RBBP6: variants seen among roughly 807,000 people sequenced by gnomAD.
RBBP6 encodes the protein RB binding protein 6, ubiquitin ligase.
In RBBP6, 25 loss-of-function variants were observed where a neutral mutation model predicts 167.7. The observed-to-expected ratio is 0.15, with a 90% CI of 0.11 to 0.21. The LOEUF (loss-of-function observed/expected upper bound fraction) is 0.21, where lower values mean the gene tolerates loss of function less well. Among genes scored for constraint, RBBP6 ranks in the 10% least tolerant of loss-of-function variants. RBBP6 has a pLI of 1.00. For missense variants in RBBP6, 1,868 were observed against 2,134.2 expected, an observed-to-expected ratio of 0.88 and a Z score of 2.46; for synonymous variants, 789 against 735.8, an observed-to-expected ratio of 1.07 and a Z score of -1.17.
Position 24,572,730 on chromosome 16 carries a change from C to T in RBBP6, c.*285C>T, listed in dbSNP as rs1385736413. 1.9e-5 allele frequency: 5 copies of T among 264,940 alleles called. No homozygotes were observed. Among genetic ancestry groups the T allele is most frequent in the African/African-American group, 4.4e-5 (2 of 45,180 alleles). 16.4% of individuals were successfully genotyped at this position (264,940 alleles called of 1,614,324 possible). A position where few individuals can be genotyped will look rare whatever the true frequency, so the allele number is the denominator to read the frequency against. On this transcript the variant is annotated 3_prime_UTR_variant, in exon 18 of 18. Transcript: ENST00000319715. ...AGTTTACTGTAATGTGAAATTTTCA[C>T]ATTTGAATTTTTTAATTGCCTGGCA...
chr16:24,558,232 G>A (rs1254872319), intron 7 of RBBP6, among the ~76,000 whole-genome samples: 1 of 152,142 alleles, frequency 6.6e-6, no homozygotes, highest in East Asian at 1.9e-4. Context: ...AAATACAAAT[G>A]CCCAATTGTG....
At chr16:24,561,767 G>C (rs778273949) in intron 9 of RBBP6, 52 bp downstream of exon 9, 8 of 1,604,734 alleles carry the variant, frequency 5.0e-6, no homozygotes, top group South Asian at 1.1e-5. Flanking sequence ...TGATTTAACT[G>C]TACTTCAGTG....
At chr16:24,557,947 TCAACTTCACCCC>T (rs1259357195) in intron 7 of RBBP6, among the ~76,000 whole-genome samples, 3 of 152,200 alleles carry the variant, frequency 2.0e-5, no homozygotes, top group African/African-American at 7.2e-5. Context: ...GCTCACTTCC[TCAACTTCACCCC>T]CATCTATTTT....
chr16:24,551,367 C>T (rs545068860), intron 3 of RBBP6, among the ~76,000 whole-genome samples: 1 of 151,832 alleles, frequency 6.6e-6, no homozygotes, highest in East Asian at 1.9e-4. Flanking sequence ...ATACAAATTC[C>T]TAATCATTTT....
intron 3 of RBBP6, 142 bp from the exon 4 acceptor site, chr16:24,553,371 C>G: frequency 1.6e-6 from 1 of 608,408 alleles, no homozygotes; most frequent in South Asian, 2.6e-5. Flanking sequence ...GTAGGCTGAG[C>G]TACATTTTCA....
chr16:24,571,498 G>A lies in RBBP6; in HGVS notation c.4432G>A (p.Asp1478Asn). 6.2e-7 allele frequency: 1 copy of A among 1,612,762 alleles called. No homozygotes were observed. Among genetic ancestry groups the A allele is most frequent in the Non-Finnish European group, 8.5e-7 (1 of 1,179,746 alleles). Reference protein sequence around the residue: ...TPNRDKKTDYDTREYSSSKRR... With the variant: ...TPNRDKKTDYNTREYSSSKRR... Reference sequence around the variant, plus strand: ...CAATAGAGACAAAAAAACTGACTATGACACCAGAGAGTATTCAAGTTCCAA... The same window carrying A: ...CAATAGAGACAAAAAAACTGACTATAACACCAGAGAGTATTCAAGTTCCAA... Residue 1478 changes from aspartate to asparagine, a missense_variant, in exon 18 of 18, where the codon GAC becomes AAC. Asp to Asn is a conservative substitution (Grantham distance 23). Transcript: ENST00000319715.
rs140015778 is a variant in RBBP6 at position 24,564,806 on chromosome 16, A to G, written c.1530A>G (p.Lys510=). ...GGRPGWEHSN[K]LGYLVSPPQQ... Reference sequence around the variant, plus strand: ...TTTTTCTCCCACACAGTTCCAACAAACTTGGCTATCTGGTTTCTCCACCAC... The same window carrying G: ...TTTTTCTCCCACACAGTTCCAACAAGCTTGGCTATCTGGTTTCTCCACCAC... Residue 510 remains lysine, a synonymous_variant, in exon 14 of 18, where the codon AAA becomes AAG. Coordinates refer to ENST00000319715, the MANE Select transcript of RBBP6 (RefSeq NM_006910.5). 4.3e-6 allele frequency: 7 copies of G among 1,612,678 alleles called. No individual in the cohort carries two copies. The African/African-American group carries it at 8.0e-5, about 18-fold the overall frequency.
rs1255830054 is a variant in RBBP6, at chr16:24,570,027, G to A, written c.3337G>A (p.Asp1113Asn). The A allele has an allele frequency of 6.2e-7, 1 of 1,605,666 alleles. No homozygotes were observed. The highest frequency in any genetic ancestry group is 8.5e-7 in the Non-Finnish European group (1 of 1,178,160). ...KPVKEEKVKK[D>N]YSKDVKSEKL... ...AGTCAAAGAGGAAAAAGTGAAGAAG[G>A]ACTATTCCAAAGATGTCAAATCAGA... The change falls in exon 17 of 18, where the codon GAC (aspartate) becomes AAC (asparagine). Residue 1113 changes from aspartate (D) to asparagine (N), a missense_variant. This residue lies in a region of RBBP6 where 673 missense variants were observed against 691.5 expected (regional missense o/e 0.97). Coordinates refer to ENST00000319715, the MANE Select transcript of RBBP6 (RefSeq NM_006910.5).
At chr16:24,553,819 C>A in intron 4 of RBBP6, 1 of 235,512 alleles carries the variant, frequency 4.2e-6, no homozygotes, top group Admixed American at 5.5e-5. Flanking sequence ...TTCCCTCATA[C>A]ATTTTGTTTA....
At chr16:24,544,393 T>C (rs950408983) in intron 1 of RBBP6, among the ~76,000 whole-genome samples, 1 of 152,182 alleles carries the variant, frequency 6.6e-6, no homozygotes, top group Non-Finnish European at 1.5e-5. Context: ...GCCTGTGAGA[T>C]AGTGCCTTCT....
chr16:24,556,427 T>C lies in RBBP6; in HGVS notation c.654T>C (p.Tyr218=), dbSNP rs772498545. The change falls in exon 7 of 18, where the codon TAT becomes TAC. Residue 218 remains tyrosine, a synonymous_variant. Coordinates refer to ENST00000319715, the MANE Select transcript of RBBP6 (RefSeq NM_006910.5). ...KGAMLTNTGK[Y]AIPTIDAEAY... is the part of the protein sequence containing the mutation. The stretch of plus-strand genomic sequence containing the variant: ...CAATGCTTACCAACACTGGAAAATA[T>C]GCAATACCAACTATAGATGCGTAAG... 8 of 1,612,344 alleles carry C rather than the reference T, an allele frequency of 5.0e-6. No homozygotes were observed. The African/African-American group carries it at 9.3e-5, about 19-fold the overall frequency.
chr16:24,553,373 A>T, intron 3 of RBBP6, 140 bp from the exon 4 acceptor site: 1 of 621,162 alleles, frequency 1.6e-6, no homozygotes, highest in Non-Finnish European at 2.8e-6. Context: ...AGGCTGAGCT[A>T]CATTTTCAAG....
Position 24,572,559 on chromosome 16 carries a change from T to C in RBBP6, c.*114T>C. On this transcript the variant is annotated 3_prime_UTR_variant, in exon 18 of 18. Coordinates refer to ENST00000319715, the MANE Select transcript of RBBP6 (RefSeq NM_006910.5). ...TGACATGGAAGACCCTGTGCTGCAC[T>C]TAAAATATTGCTGCTTGATTATTTG... 2 of 1,329,138 alleles carry C rather than the reference T, an allele frequency of 1.5e-6. No individual in the cohort carries two copies. Among genetic ancestry groups the C allele is most frequent in the South Asian group, 1.6e-5 (1 of 60,730 alleles). 82.3% of individuals were successfully genotyped at this position (1,329,138 alleles called of 1,614,324 possible). A position where few individuals can be genotyped will look rare whatever the true frequency, so the allele number is the denominator to read the frequency against.
At position 24,570,915 on chromosome 16, in the gene RBBP6, A is replaced by G; in HGVS notation, c.3849A>G (p.Glu1283=). 1 of 1,585,680 alleles carries G rather than the reference A, an allele frequency of 6.3e-7. No individual in the cohort carries two copies. The highest frequency in any genetic ancestry group is 8.6e-7 in the Non-Finnish European group (1 of 1,160,352). ...STGGSPVRKS[E]EKTDTKRTVI... is the part of the protein sequence containing the mutation. Reference sequence around the variant, plus strand: ...GAGGCAGTCCTGTGCGGAAATCTGAAGAAAAAACAGATACAAAGCGAACTG... The same window carrying G: ...GAGGCAGTCCTGTGCGGAAATCTGAGGAAAAAACAGATACAAAGCGAACTG... Residue 1283 remains glutamate, a synonymous_variant, in exon 18 of 18, where the codon GAA becomes GAG. Coordinates refer to ENST00000319715, the MANE Select transcript of RBBP6 (RefSeq NM_006910.5).
chr16:24,568,762 G>A lies in RBBP6; in HGVS notation c.2072G>A (p.Ser691Asn), dbSNP rs1259429091. ...RSFSRSKSPY[S>N]GSSYSRSSYT... ...GTTTTTAGGTCTAAATCTCCCTATAGTGGTTCTTCGTATTCAAGAAGTTCA... is the reference window on the plus strand; with the variant it reads ...GTTTTTAGGTCTAAATCTCCCTATAATGGTTCTTCGTATTCAAGAAGTTCA... The change falls in exon 17 of 18, where the codon AGT becomes AAT. Residue 691 changes from serine to asparagine, a missense_variant. Ser to Asn is a conservative substitution (Grantham distance 46). Coordinates refer to ENST00000319715, the MANE Select transcript of RBBP6 (RefSeq NM_006910.5). 1 of 1,613,794 alleles carries A rather than the reference G, an allele frequency of 6.2e-7. No individual in the cohort carries two copies. The highest frequency in any genetic ancestry group is 1.7e-5 in the Admixed American group (1 of 60,018).
chr16:24,562,092 C>T lies in RBBP6; in HGVS notation c.1220C>T (p.Ala407Val). The T allele has an allele frequency of 1.2e-6, 2 of 1,613,446 alleles. No individual in the cohort carries two copies. The highest frequency in any genetic ancestry group is 1.1e-5 in the South Asian group (1 of 91,078). ...PVSGNPSSAP[A>V]PVPDITATVS... ...TCTGGAAATCCGTCTTCTGCTCCAG[C>T]TCCTGTACCTGATATAACTGCAACA... Residue 407 changes from alanine (A) to valine (V), a missense_variant, in exon 10 of 18, where the codon GCT (alanine) becomes GTT (valine). Around this residue, in one of 7 missense-constraint regions of RBBP6, gnomAD observed 245 missense variants for 240.1 expected, o/e 1.02. Coordinates refer to ENST00000319715, the MANE Select transcript of RBBP6 (RefSeq NM_006910.5).
At chr16:24,544,536 G>A (rs1053402621) in intron 1 of RBBP6, among the ~76,000 whole-genome samples, 8 of 152,062 alleles carry the variant, frequency 5.3e-5, no homozygotes, top group Non-Finnish European at 8.8e-5. Context: ...CGTAATAATC[G>A]GAAGAACAGA....
chr16:24,554,425 A>T (rs1208530392), intron 4 of RBBP6: 1 of 152,054 alleles, frequency 6.6e-6, no homozygotes, highest in African/African-American at 2.4e-5. Flanking sequence ...TAATGAAAAG[A>T]TGGGTTTTCC....
intron 1 of RBBP6, among the ~76,000 whole-genome samples, chr16:24,543,029 GAA>G (rs548554878): frequency 2.0e-5 from 3 of 152,134 alleles, no homozygotes; most frequent in South Asian, 2.1e-4. Flanking sequence ...AATTAAGAGA[GAA>G]AGAGATATTG....
Sources: allele counts gnomAD v4.1 joint callset (sites outside exome capture counted in the v4.1 genomes callset), GRCh38; gene constraint gnomAD v4.1.1; regional missense constraint gnomAD v4.1.1; transcripts MANE v1.5; gene names NCBI Gene and HGNC (gene_info 2026-07-23, HGNC 2026-07-21).